BMX: variants seen among roughly 807,000 people sequenced by gnomAD.
BMX encodes BMX non-receptor tyrosine kinase.
In BMX, 31 loss-of-function variants were observed where a neutral mutation model predicts 59.2. The ratio of observed to expected loss-of-function variants is 0.52; its 90% CI spans 0.39 to 0.71. The LOEUF is 0.71. BMX is among the 30% of genes least tolerant of loss of function. The pLI, the probability that BMX is intolerant of heterozygous loss-of-function variation, is 0.00. For missense variants in BMX, 474 were observed against 491.7 expected, an observed-to-expected ratio of 0.96 and a Z score of 0.34; for synonymous variants, 185 against 181.0, an observed-to-expected ratio of 1.02 and a Z score of -0.18.
In BMX at chrX:15,522,608, G is replaced by T. The variant is rs746640879; in HGVS notation, c.752+21G>T. On this transcript the variant is annotated intron_variant, in intron 7 of 18. Transcript: ENST00000348343. ...AAAAGGTAATCCCCAGCTTTCAGAC[G>T]GGCTGCCCAGCATGTAGAGTAAACA... 5 of 1,208,616 alleles carry T rather than the reference G, an allele frequency of 4.1e-6. No individual in the cohort carries two copies. In the East Asian group the frequency reaches 1.5e-4, roughly 36 times the overall value.
chrX:15,536,275 C>G, intron 12 of BMX, 78 bp from the exon 13 acceptor site: 1 of 1,007,596 alleles, frequency 9.9e-7, no homozygotes. Context: ...TGGAGAGAGA[C>G]TAGTTGTGAA....
At chrX:15,550,091 G>C in intron 18 of BMX, 94 bp downstream of exon 18, 127 of 1,018,316 alleles carry the variant, frequency 1.2e-4, no homozygotes, top group Non-Finnish European at 1.5e-4. Flanking sequence ...TTGAGGGAAA[G>C]CAACTGGTAC....
chrX:15,521,797 G>T (rs901522481), intron 6 of BMX, among the ~76,000 whole-genome samples: 1 of 111,329 alleles, frequency 9.0e-6, no homozygotes, highest in African/African-American at 3.3e-5. Flanking sequence ...GCCCCATCTC[G>T]AAATCCTTAA....
At chrX:15,523,635 T>C (rs1924575228) in intron 7 of BMX, among the ~76,000 whole-genome samples, 1 of 111,662 alleles carries the variant, frequency 9.0e-6, no homozygotes, top group Non-Finnish European at 1.9e-5. Context: ...ACCATTCTTG[T>C]GGAAGGAGAG....
intron 7 of BMX, among the ~76,000 whole-genome samples, chrX:15,523,355 A>T (rs1029016315): frequency 2.7e-5 from 3 of 112,175 alleles, no homozygotes; most frequent in African/African-American, 9.7e-5. Context: ...TCTCTGACTC[A>T]CCATGTATCT....
chrX:15,502,046 G>A (rs1923588281), intron 1 of BMX, among the ~76,000 whole-genome samples: 1 of 111,701 alleles, frequency 9.0e-6, no homozygotes, highest in Non-Finnish European at 1.9e-5. Context: ...GATCAGAAGG[G>A]ACATAAGCTT....
At position 15,537,163 on chromosome X, in the gene BMX, A is replaced by G. The variant is rs1046844113; in HGVS notation, c.1252A>G (p.Thr418Ala). 2.9e-5 allele frequency: 35 copies of G among 1,211,060 alleles called. No individual in the cohort carries two copies. Among genetic ancestry groups the G allele is most frequent in the Non-Finnish European group, 3.9e-5 (35 of 895,195 alleles). The change falls in exon 14 of 19, where the codon ACC (threonine) becomes GCC (alanine). Residue 418 changes from threonine to alanine, a missense_variant. Physicochemically the swap from Thr to Ala is moderately conservative, Grantham distance 58 (BLOSUM62 0). Coordinates refer to ENST00000348343, the MANE Select transcript of BMX (RefSeq NM_203281.3). ...CTGGGAACTGAAAAGAGAAGAGATT[A>G]CCTTGTTGAAGGAGCTGGGAAGTGG... ...GIWELKREEITLLKELGSGQF... is the reference protein window; with the variant it reads ...GIWELKREEIALLKELGSGQF...
chrX:15,526,428 T>G (rs1444123599), intron 9 of BMX, among the ~76,000 whole-genome samples: 1 of 112,080 alleles, frequency 8.9e-6, no homozygotes, highest in Non-Finnish European at 1.9e-5. Flanking sequence ...CCTGGAGACC[T>G]CTAATTAAGG....
intron 1 of BMX, among the ~76,000 whole-genome samples, chrX:15,503,701 C>G (rs1923645656): frequency 8.9e-6 from 1 of 112,350 alleles, no homozygotes; most frequent in Non-Finnish European, 1.9e-5. Context: ...GAGGGTCACA[C>G]AGCAGGCATG....
chrX:15,538,370 C>G, intron 14 of BMX, among the ~76,000 whole-genome samples: 1 of 111,413 alleles, frequency 9.0e-6, no homozygotes. Context: ...CAGCCCCAGG[C>G]AAACCAGGAC....
At position 15,508,486 on chromosome X, in the gene BMX, A is replaced by G; in HGVS notation, c.133A>G (p.Lys45Glu). The stretch of plus-strand genomic sequence containing the variant: ...AAACCTTTCCTACTATGAATATGAC[A>G]AAATGGTGAGACATCATGTGTTCCA... ...KTNLSYYEYDKMKRGSRKGSI... is the reference protein window; with the variant it reads ...KTNLSYYEYDEMKRGSRKGSI... The change falls in exon 2 of 19, where the codon AAA becomes GAA. Residue 45 changes from lysine (K) to glutamate (E), a missense_variant. By Grantham distance (56) the Lys-to-Glu change is moderately conservative (BLOSUM62 1). Coordinates refer to ENST00000348343, the MANE Select transcript of BMX (RefSeq NM_203281.3). 3 of 1,174,215 alleles carry G rather than the reference A, an allele frequency of 2.6e-6. No homozygotes were observed. The highest frequency in any genetic ancestry group is 3.4e-6 in the Non-Finnish European group (3 of 878,650).
At chrX:15,553,177 T>A (rs1926274574) in intron 18 of BMX, among the ~76,000 whole-genome samples, 1 of 112,309 alleles carries the variant, frequency 8.9e-6, no homozygotes, top group Non-Finnish European at 1.9e-5. Context: ...AGTTGGATTT[T>A]GGGACCTTTG....
intron 3 of BMX, among the ~76,000 whole-genome samples, chrX:15,510,726 T>G (rs1923921454): frequency 8.9e-6 from 1 of 112,044 alleles, no homozygotes; most frequent in Admixed American, 9.5e-5. Flanking sequence ...GAAATAAGAT[T>G]AAAATACTGA....
intron 16 of BMX, among the ~76,000 whole-genome samples, chrX:15,545,519 A>AT (rs1925906249): frequency 8.9e-6 from 1 of 112,001 alleles, no homozygotes; most frequent in Non-Finnish European, 1.9e-5. Flanking sequence ...CATTTGAGGC[A>AT]TTTTTCTTTT....
chrX:15,525,455 T>C, intron 8 of BMX, 90 bp downstream of exon 8: 2 of 927,894 alleles, frequency 2.2e-6, no homozygotes, highest in East Asian at 6.2e-5. Context: ...GCAGCTAGGC[T>C]TTCTACTTAA....
At chrX:15,528,590 C>T (rs1053606517) in intron 9 of BMX, among the ~76,000 whole-genome samples, 6 of 109,770 alleles carry the variant, frequency 5.5e-5, no homozygotes, top group Non-Finnish European at 7.6e-5. Context: ...CCCGGGAGGT[C>T]GAGGCTGTAG....
chrX:15,537,379 A>AT (rs1925417864), intron 14 of BMX, 74 bp downstream of exon 14: 18 of 1,090,798 alleles, frequency 1.7e-5, no homozygotes, highest in Non-Finnish European at 2.1e-5. Flanking sequence ...CCTGCTGTTA[A>AT]CTTTGCAAGG....
chrX:15,531,915 C>G (rs1021392141), intron 11 of BMX, among the ~76,000 whole-genome samples: 1 of 111,527 alleles, frequency 9.0e-6, no homozygotes, highest in Non-Finnish European at 1.9e-5. Context: ...GGGCTCTGTC[C>G]TCTTTGTGTG....
At chrX:15,512,034 A>T (rs1923980465) in intron 4 of BMX, among the ~76,000 whole-genome samples, 1 of 112,207 alleles carries the variant, frequency 8.9e-6, no homozygotes, top group South Asian at 3.6e-4. Flanking sequence ...AGACAAGTAA[A>T]GTTTTTAAAA....
Sources: allele counts gnomAD v4.1 joint callset (sites outside exome capture counted in the v4.1 genomes callset), GRCh38; gene constraint gnomAD v4.1.1; transcripts MANE v1.5; gene names NCBI Gene and HGNC (gene_info 2026-07-23, HGNC 2026-07-21).